The following PHACTR4 variants were observed in gnomAD, a reference collection of about 807,000 sequenced individuals.
PHACTR4 encodes phosphatase and actin regulator 4.
Under a neutral mutation model 72.7 loss-of-function variants are expected in PHACTR4, and 51 were observed. That is an observed-to-expected ratio of 0.70 (90% CI 0.56 to 0.89). The LOEUF (loss-of-function observed/expected upper bound fraction) is 0.89, where lower values mean the gene tolerates loss of function less well. Ranked by LOEUF, PHACTR4 falls within the 40% of genes least tolerant of loss-of-function variation. PHACTR4 has a pLI of 0.00. For synonymous variants in PHACTR4, 255 were observed against 302.5 expected (o/e 0.84, Z 1.63); for missense variants, 731 against 861.8 (o/e 0.85, Z 1.90).
chr1:28,392,860 G>A (rs1653168394), intron 1 of PHACTR4, among the ~76,000 whole-genome samples: 1 of 151,976 alleles, frequency 6.6e-6, no homozygotes, highest in Admixed American at 6.6e-5. Context: ...TTCTATCTGT[G>A]AAATTGTGAA....
intron 1 of PHACTR4, among the ~76,000 whole-genome samples, chr1:28,391,469 G>A (rs1016274841): frequency 6.6e-6 from 1 of 151,522 alleles, no homozygotes; most frequent in African/African-American, 2.4e-5. Flanking sequence ...ATAAAATGGT[G>A]GTTACCAGGA....
At chr1:28,426,931 T>G (rs1655904828) in intron 2 of PHACTR4, among the ~76,000 whole-genome samples, 1 of 152,166 alleles carries the variant, frequency 6.6e-6, no homozygotes, top group South Asian at 2.1e-4. Flanking sequence ...ATGGAAATGT[T>G]CTGTATCTGC....
At chr1:28,403,605 A>G (rs564398602) in intron 1 of PHACTR4, among the ~76,000 whole-genome samples, 2 of 152,212 alleles carry the variant, frequency 1.3e-5, no homozygotes, top group Admixed American at 6.5e-5. Flanking sequence ...AAAATTTATA[A>G]TTACAGTTTA....
chr1:28,380,083 G>T (rs1177093646), intron 1 of PHACTR4, among the ~76,000 whole-genome samples: 1 of 120,470 alleles, frequency 8.3e-6, no homozygotes, highest in Admixed American at 9.1e-5. Flanking sequence ...TTGAGACGGA[G>T]TCTCGCTCTG....
chr1:28,473,444 T>C, intron 6 of PHACTR4, 110 bp from the exon 7 acceptor site: 1 of 813,920 alleles, frequency 1.2e-6, no homozygotes, highest in Non-Finnish European at 2.0e-6. Flanking sequence ...TGAAATTATT[T>C]AACTTGCTTA....
intron 8 of PHACTR4, among the ~76,000 whole-genome samples, chr1:28,479,238 T>G (rs1159267719): frequency 6.6e-6 from 1 of 151,330 alleles, no homozygotes; most frequent in African/African-American, 2.4e-5. Flanking sequence ...CTGGCCAATG[T>G]GGTGAAACCC....
chr1:28,448,656 G>T (rs1657666599), intron 2 of PHACTR4, among the ~76,000 whole-genome samples: 1 of 146,310 alleles, frequency 6.8e-6, no homozygotes, highest in Admixed American at 6.8e-5. Flanking sequence ...CAGCTACTTG[G>T]GAGGCTGAGG....
At chr1:28,474,906 CTTTCTT>C (rs541263762) in intron 7 of PHACTR4, among the ~76,000 whole-genome samples, 409 of 151,770 alleles carry the variant, frequency 2.7e-3, no homozygotes, top group African/African-American at 9.5e-3. Context: ...AATTTGGACT[CTTTCTT>C]TTTTTAATCT....
intron 4 of PHACTR4, 21 bp from the exon 5 acceptor site, chr1:28,465,664 T>A (rs1659109480): frequency 6.2e-7 from 1 of 1,605,430 alleles, no homozygotes; most frequent in Non-Finnish European, 8.5e-7. Context: ...CATCACTTTG[T>A]ACTCTTCTTT....
At chr1:28,376,509 A>G (rs1430119532) in intron 1 of PHACTR4, among the ~76,000 whole-genome samples, 1 of 144,326 alleles carries the variant, frequency 6.9e-6, no homozygotes. Flanking sequence ...TTTTTCTTTT[A>G]GTAGAGACAA....
In PHACTR4 at chr1:28,440,391, A is replaced by ATTTTTTTTTTTTTTTTTTTTT. The variant is rs1414224976; in HGVS notation, c.17-18692_17-18691insTTTTTTTTTTTTTTTTTTTTT. Among the ~76,000 whole-genome samples the ATTTTTTTTTTTTTTTTTTTTT allele has an allele frequency of 2.2e-5, 2 of 89,966 alleles. 1 individual carries two copies. Among genetic ancestry groups the ATTTTTTTTTTTTTTTTTTTTT allele is most frequent in the African/African-American group, 1.0e-4 (2 of 19,882 alleles). 59.0% of individuals were successfully genotyped at this position (89,966 alleles called of 152,430 possible). A position where few individuals can be genotyped will look rare whatever the true frequency, so the allele number is the denominator to read the frequency against. On this transcript the variant is annotated intron_variant, in intron 2 of 13. Coordinates refer to ENST00000373839, the MANE Select transcript of PHACTR4 (RefSeq NM_001048183.3). ...AAAAAAGTAAGAATCAAATTCATCA[A>ATTTTTTTTTTTTTTTTTTTTT]TTCTTTTTTTTTTTTTTTTTTTGAG...
Position 28,424,008 on chromosome 1 carries a change from C to G in PHACTR4, c.16+16545C>G, listed in dbSNP as rs375050919. 1.1e-4 allele frequency among the ~76,000 whole-genome samples: 16 copies of G among 151,736 alleles called. No homozygotes were observed. The East Asian group carries it at 2.7e-3, about 26-fold the overall frequency. Reference sequence around the variant, plus strand: ...TATTTATGTTCTAATTTTTCAGATACCAGTTTTTACCATTTAGGGAAATGA... The same window carrying G: ...TATTTATGTTCTAATTTTTCAGATAGCAGTTTTTACCATTTAGGGAAATGA... On this transcript the variant is annotated intron_variant, in intron 2 of 13. Coordinates refer to ENST00000373839, the MANE Select transcript of PHACTR4 (RefSeq NM_001048183.3).
At chr1:28,453,004 G>A (rs1430301680) in intron 2 of PHACTR4, among the ~76,000 whole-genome samples, 2 of 151,294 alleles carry the variant, frequency 1.3e-5, no homozygotes, top group African/African-American at 2.4e-5. Context: ...CTGTAATCCC[G>A]GCTACTTGGG....
intron 11 of PHACTR4, 65 bp from the exon 12 acceptor site, chr1:28,491,585 A>C: frequency 6.2e-7 from 1 of 1,608,316 alleles, no homozygotes. Flanking sequence ...GGTTAGAGGC[A>C]ATTTGAATGC....
intron 6 of PHACTR4, among the ~76,000 whole-genome samples, chr1:28,469,382 G>A (rs907410584): frequency 6.6e-5 from 10 of 152,114 alleles, no homozygotes; most frequent in African/African-American, 2.2e-4. Flanking sequence ...GGAGTATTAC[G>A]ACTAAGGAAA....
intron 1 of PHACTR4, among the ~76,000 whole-genome samples, chr1:28,378,634 G>C (rs947329336): frequency 1.7e-5 from 2 of 118,004 alleles, no homozygotes; most frequent in African/African-American, 6.7e-5. Flanking sequence ...GAAGTATTTA[G>C]AATGTTTTGT....
chr1:28,438,913 T>G lies in PHACTR4; in HGVS notation c.17-20172T>G, dbSNP rs1008016631. Among the ~76,000 whole-genome samples, 4 of 152,242 alleles carry G rather than the reference T, an allele frequency of 2.6e-5. 1 individual carries two copies. The highest frequency in any genetic ancestry group is 9.6e-5 in the African/African-American group (4 of 41,464). On this transcript the variant is annotated intron_variant, in intron 2 of 13. Transcript: ENST00000373839. ...AAGTCTCAGGCATTTTCCATTGCAC[T>G]AGTGTTTCCGTTTCTCTTAAGTCAA...
intron 2 of PHACTR4, among the ~76,000 whole-genome samples, chr1:28,433,357 C>T (rs149017988): frequency 6.6e-6 from 1 of 151,776 alleles, no homozygotes; most frequent in Non-Finnish European, 1.5e-5. Context: ...AGAGTAAATA[C>T]TGATTGTTAG....
At chr1:28,433,462 CTTT>C (rs567134987) in intron 2 of PHACTR4, among the ~76,000 whole-genome samples, 3 of 130,520 alleles carry the variant, frequency 2.3e-5, no homozygotes, top group Non-Finnish European at 3.2e-5. Context: ...TTCTTTTTTT[CTTT>C]TTTTTTTTTT....
Sources: gnomAD v4.1 joint callset for allele counts (sites outside exome capture counted in the v4.1 genomes callset) on GRCh38, gnomAD v4.1.1 for gene constraint, MANE v1.5 for transcripts, NCBI Gene and HGNC (gene_info 2026-07-23, HGNC 2026-07-21) for gene names.